The following WDFY2 variants were observed in gnomAD, a reference collection of about 807,000 sequenced individuals.
WDFY2 encodes the protein WD repeat and FYVE domain-containing protein 2.
Under a neutral mutation model 56.4 loss-of-function variants are expected in WDFY2, and 36 were observed. The ratio of observed to expected loss-of-function variants is 0.64; its 90% CI spans 0.49 to 0.84. WDFY2 has a LOEUF of 0.84. WDFY2 is among the 40% of genes least tolerant of loss of function. The pLI is 0.00. For missense variants in WDFY2, 444 were observed against 512.2 expected (o/e 0.87, Z 1.29); for synonymous variants, 176 against 183.7 (o/e 0.96, Z 0.34).
intron 3 of WDFY2, among the ~76,000 whole-genome samples, chr13:51,680,429 G>A (rs1955958033): frequency 6.6e-6 from 1 of 152,136 alleles, no homozygotes; most frequent in South Asian, 2.1e-4. Context: ...AAAGACACCA[G>A]TCATTGGATT....
At chr13:51,616,099 C>G (rs1954606845) in intron 1 of WDFY2, among the ~76,000 whole-genome samples, 1 of 152,072 alleles carries the variant, frequency 6.6e-6, no homozygotes, top group South Asian at 2.1e-4. Context: ...TAGTCGAGCT[C>G]AGTAGTGCAT....
In WDFY2 at chr13:51,675,258, A is replaced by G. The variant is rs745609107; in HGVS notation, c.279+15A>G. The G allele has an allele frequency of 6.8e-6, 11 of 1,606,570 alleles. No homozygotes were observed. The highest frequency in any genetic ancestry group is 8.5e-6 in the Non-Finnish European group (10 of 1,173,540). ...GTACAATCTCAGTAAGTACACATAAATAAGATTTCCAGTTGAAATACTTCC... is the reference window on the plus strand; with the variant it reads ...GTACAATCTCAGTAAGTACACATAAGTAAGATTTCCAGTTGAAATACTTCC... On this transcript the variant is annotated intron_variant, in intron 3 of 11. Coordinates refer to ENST00000298125, the MANE Select transcript of WDFY2 (RefSeq NM_052950.4).
intron 2 of WDFY2, among the ~76,000 whole-genome samples, chr13:51,660,901 C>T (rs912166681): frequency 1.1e-4 from 16 of 152,208 alleles, no homozygotes; most frequent in South Asian, 2.1e-4. Context: ...GACTACAGCA[C>T]GTAGGCTTTC....
intron 1 of WDFY2, among the ~76,000 whole-genome samples, chr13:51,657,784 G>T (rs1384837700): frequency 1.3e-5 from 2 of 152,098 alleles, no homozygotes; most frequent in African/African-American, 4.8e-5. Context: ...TTCAATTCCA[G>T]AATTTCTCTT....
chr13:51,645,161 A>C (rs1034663321), intron 1 of WDFY2, among the ~76,000 whole-genome samples: 1 of 151,992 alleles, frequency 6.6e-6, no homozygotes, highest in African/African-American at 2.4e-5. Flanking sequence ...TCTTTAAACA[A>C]ATGACTATGA....
chr13:51,738,057 A>C (rs1335163451), intron 6 of WDFY2, among the ~76,000 whole-genome samples: 2 of 152,254 alleles, frequency 1.3e-5, no homozygotes, highest in East Asian at 3.8e-4. Flanking sequence ...CTTCCCTGAA[A>C]GCTCTTAAGT....
In WDFY2 at chr13:51,762,092, T is replaced by C. The variant is rs561570681; in HGVS notation, c.*2323T>C. On this transcript the variant is annotated 3_prime_UTR_variant, in exon 12 of 12. Transcript: ENST00000298125. Reference sequence around the variant, plus strand: ...GCCACTTACTAAGTTGTATGTAATATAGGACTGTGTGTTGGAAATGAGTAA... The same window carrying C: ...GCCACTTACTAAGTTGTATGTAATACAGGACTGTGTGTTGGAAATGAGTAA... The C allele has an allele frequency of 2.0e-5, 3 of 152,350 alleles. No homozygotes were observed. Among genetic ancestry groups the C allele is most frequent in the Admixed American group, 6.5e-5 (1 of 15,298 alleles). 9.4% of individuals were successfully genotyped at this position (152,350 alleles called of 1,614,324 possible). A position where few individuals can be genotyped will look rare whatever the true frequency, so the allele number is the denominator to read the frequency against.
intron 1 of WDFY2, among the ~76,000 whole-genome samples, chr13:51,627,408 A>C (rs1328302813): frequency 6.6e-6 from 1 of 151,404 alleles, no homozygotes; most frequent in Non-Finnish European, 1.5e-5. Context: ...TGCTCTTGTC[A>C]CCCAGGCTGG....
At chr13:51,670,829 C>T (rs965495753) in intron 2 of WDFY2, among the ~76,000 whole-genome samples, 6 of 152,036 alleles carry the variant, frequency 3.9e-5, no homozygotes, top group African/African-American at 7.3e-5. Context: ...CCCTATCACC[C>T]GACCAGTGTA....
At chr13:51,729,448 GTA>G (rs1385182964) in intron 6 of WDFY2, among the ~76,000 whole-genome samples, 2 of 148,652 alleles carry the variant, frequency 1.3e-5, no homozygotes, top group African/African-American at 2.5e-5. Context: ...CTTGCCCACT[GTA>G]TATCCCCCTC....
chr13:51,641,037 C>G (rs1182341861), intron 1 of WDFY2, among the ~76,000 whole-genome samples: 11 of 152,148 alleles, frequency 7.2e-5, no homozygotes, highest in Admixed American at 3.9e-4. Flanking sequence ...AAACCACGTT[C>G]TATCCAAGTT....
intron 3 of WDFY2, 118 bp downstream of exon 3, chr13:51,675,361 A>G: frequency 1.1e-6 from 1 of 898,998 alleles, no homozygotes; most frequent in Non-Finnish European, 1.7e-6. Context: ...TAGAATGAAA[A>G]TTGCAGCGTA....
intron 3 of WDFY2, among the ~76,000 whole-genome samples, chr13:51,690,197 T>TATA (rs58206936): frequency 5.0e-4 from 74 of 149,396 alleles, no homozygotes; most frequent in African/African-American, 8.8e-4. Flanking sequence ...TATATATATA[T>TATA]TTTTTTTATT....
At chr13:51,668,048 C>T (rs899231802) in intron 2 of WDFY2, among the ~76,000 whole-genome samples, 3 of 151,676 alleles carry the variant, frequency 2.0e-5, no homozygotes, top group African/African-American at 4.8e-5. Context: ...TCCGCCACTG[C>T]GCCCGGCTAA....
chr13:51,713,552 C>A (rs901470001), intron 4 of WDFY2, among the ~76,000 whole-genome samples: 6 of 152,188 alleles, frequency 3.9e-5, no homozygotes, highest in African/African-American at 1.4e-4. Context: ...ACCTTGAAGA[C>A]ATATGCTAAG....
chr13:51,673,407 C>T (rs192420036), intron 2 of WDFY2, among the ~76,000 whole-genome samples: 1 of 152,254 alleles, frequency 6.6e-6, no homozygotes, highest in African/African-American at 2.4e-5. Flanking sequence ...AGTTTTGCTT[C>T]ATATGCTCAT....
At chr13:51,674,075 GT>G (rs1955848088) in intron 2 of WDFY2, among the ~76,000 whole-genome samples, 1 of 152,134 alleles carries the variant, frequency 6.6e-6, no homozygotes, top group South Asian at 2.1e-4. Context: ...ATCTAAGTTG[GT>G]TGTTTGAAAA....
intron 2 of WDFY2, among the ~76,000 whole-genome samples, chr13:51,666,066 G>A (rs955271500): frequency 2.6e-5 from 4 of 152,120 alleles, no homozygotes; most frequent in Non-Finnish European, 5.9e-5. Flanking sequence ...TTCAGTTAAC[G>A]TTTAAAGTAT....
Position 51,728,275 on chromosome 13 carries a change from A to G in WDFY2, c.598+485A>G, listed in dbSNP as rs116377273. Among the ~76,000 whole-genome samples the G allele has an allele frequency of 8.5e-3, 1,301 of 152,232 alleles. 16 individuals are homozygous for G. Among genetic ancestry groups the G allele is most frequent in the African/African-American group, 0.03 (1,228 of 41,538 alleles). Reference sequence around the variant, plus strand: ...TGTGAAAAAGGTCAAGTTCCTCTCCAACTTTCCTTCCTTCATATCCTTTTC... The same window carrying G: ...TGTGAAAAAGGTCAAGTTCCTCTCCGACTTTCCTTCCTTCATATCCTTTTC... On this transcript the variant is annotated intron_variant, in intron 6 of 11. Coordinates refer to ENST00000298125, the MANE Select transcript of WDFY2 (RefSeq NM_052950.4).
Sources: gnomAD v4.1 joint callset for allele counts (sites outside exome capture counted in the v4.1 genomes callset) on GRCh38, gnomAD v4.1.1 for gene constraint, MANE v1.5 for transcripts, NCBI Gene and HGNC (gene_info 2026-07-23, HGNC 2026-07-21) for gene names.